MTX2: variants seen among roughly 807,000 people sequenced by gnomAD.
The protein encoded by MTX2 is metaxin 2.
MTX2 carries 35 observed loss-of-function variants against 42.3 expected under a neutral mutation model. The observed-to-expected ratio is 0.83, with a 90% CI of 0.63 to 1.10. The LOEUF (loss-of-function observed/expected upper bound fraction) is 1.10. MTX2 is among the 50% of genes least tolerant of loss of function. The pLI is 0.00. For missense variants in MTX2, 307 were observed against 304.1 expected, an observed-to-expected ratio of 1.01 and a Z score of -0.07; for synonymous variants, 119 against 100.9, an observed-to-expected ratio of 1.18 and a Z score of -1.08.
intron 3 of MTX2, among the ~76,000 whole-genome samples, chr2:176,311,128 T>C (rs934253492): frequency 6.6e-6 from 1 of 152,224 alleles, no homozygotes; most frequent in Admixed American, 6.5e-5. Flanking sequence ...CCTTTCTGTT[T>C]GTTAGTTTTC....
At chr2:176,335,674 T>C (rs997685053) in intron 9 of MTX2, among the ~76,000 whole-genome samples, 4 of 151,964 alleles carry the variant, frequency 2.6e-5, no homozygotes, top group Non-Finnish European at 5.9e-5. Flanking sequence ...AACTCAAGAG[T>C]AGCCCCTAAA....
At chr2:176,274,272 A>T (rs530779062) in intron 1 of MTX2, among the ~76,000 whole-genome samples, 10 of 152,292 alleles carry the variant, frequency 6.6e-5, no homozygotes, top group African/African-American at 2.4e-4. Flanking sequence ...TAAAACTTTG[A>T]TGAGCAAAGC....
intron 9 of MTX2, among the ~76,000 whole-genome samples, chr2:176,333,244 C>T (rs1420540698): frequency 1.3e-5 from 2 of 151,458 alleles, no homozygotes; most frequent in Non-Finnish European, 3.0e-5. Context: ...TAATCACAAA[C>T]TATTTGGTAA....
chr2:176,329,199 A>G, intron 7 of MTX2, 102 bp from the exon 8 acceptor site: 1 of 1,371,282 alleles, frequency 7.3e-7, no homozygotes. Flanking sequence ...AGATTGCTCT[A>G]TTTATGTTCT....
intron 1 of MTX2, among the ~76,000 whole-genome samples, chr2:176,293,917 T>C (rs1454886826): frequency 6.6e-6 from 1 of 152,218 alleles, no homozygotes; most frequent in African/African-American, 2.4e-5. Flanking sequence ...TACTGCATGA[T>C]AAACTGCAAT....
rs984958278 is a variant in MTX2 at position 176,328,363 on chromosome 2, A to G, written c.356A>G (p.Asn119Ser). 1.9e-6 allele frequency: 3 copies of G among 1,583,208 alleles called. No homozygotes were observed. The African/African-American group carries it at 4.1e-5, about 22-fold the overall frequency. Residue 119 changes from asparagine (N) to serine (S), a missense_variant, in exon 6 of 10, where the codon AAC (asparagine) becomes AGC (serine). Asn to Ser is a conservative substitution (Grantham distance 46). Coordinates refer to ENST00000249442, the MANE Select transcript of MTX2 (RefSeq NM_006554.5). ...ATGAAAGCTTACATGGAATTAGTCA[A>G]CAATATGCTGTTGACTGCAGAGGTA... Reference protein sequence around the residue: ...AEMKAYMELVNNMLLTAELYL... With the variant: ...AEMKAYMELVSNMLLTAELYL...
chr2:176,333,147 T>C (rs1176780068), intron 9 of MTX2, among the ~76,000 whole-genome samples: 1 of 151,510 alleles, frequency 6.6e-6, no homozygotes, highest in Non-Finnish European at 1.5e-5. Flanking sequence ...AATATTTTTC[T>C]AATAAAAAGT....
chr2:176,301,262 T>C (rs1050764651), intron 3 of MTX2, among the ~76,000 whole-genome samples: 2 of 152,156 alleles, frequency 1.3e-5, no homozygotes, highest in Admixed American at 6.5e-5. Flanking sequence ...ACAGTACTAT[T>C]ATTATCCTCA....
intron 1 of MTX2, among the ~76,000 whole-genome samples, chr2:176,291,843 G>A (rs996902668): frequency 6.6e-6 from 1 of 152,048 alleles, no homozygotes; most frequent in African/African-American, 2.4e-5. Flanking sequence ...AACTGCAGTG[G>A]GGAGAGTGGT....
At chr2:176,295,639 C>A (rs575697659) in intron 1 of MTX2, among the ~76,000 whole-genome samples, 19 of 152,230 alleles carry the variant, frequency 1.2e-4, no homozygotes, top group African/African-American at 2.4e-4. Context: ...CCAAACCAAA[C>A]TAAACCTAAA....
At chr2:176,313,194 T>C (rs1684356957) in intron 3 of MTX2, among the ~76,000 whole-genome samples, 1 of 151,968 alleles carries the variant, frequency 6.6e-6, no homozygotes, top group Non-Finnish European at 1.5e-5. Context: ...TTTTTTGAAT[T>C]ACTCTGTGTC....
intron 1 of MTX2, among the ~76,000 whole-genome samples, chr2:176,283,554 A>C (rs780990326): frequency 3.3e-5 from 5 of 152,174 alleles, no homozygotes; most frequent in Non-Finnish European, 7.3e-5. Flanking sequence ...AATTTGTTCT[A>C]TAACTAGCTG....
intron 1 of MTX2, among the ~76,000 whole-genome samples, chr2:176,290,946 C>T (rs971929753): frequency 1.3e-4 from 20 of 152,072 alleles, no homozygotes; most frequent in African/African-American, 4.1e-4. Flanking sequence ...TGCTGTATCA[C>T]TCCTCAGTTC....
intron 1 of MTX2, among the ~76,000 whole-genome samples, chr2:176,282,125 A>ATTT (rs1693090726): frequency 4.7e-5 from 1 of 21,060 alleles, no homozygotes; most frequent in Non-Finnish European, 8.5e-5. Context: ...GAGTTACAGT[A>ATTT]GTTTTTTTTT....
chr2:176,279,147 A>G (rs1018027262), intron 1 of MTX2, among the ~76,000 whole-genome samples: 1 of 152,188 alleles, frequency 6.6e-6, no homozygotes, highest in Admixed American at 6.5e-5. Flanking sequence ...TTTATCTCTA[A>G]GAACTTGTAT....
chr2:176,337,790 A>G lies in MTX2; in HGVS notation c.*126A>G, dbSNP rs1219715584. The G allele has an allele frequency of 2.4e-5, 19 of 777,354 alleles. No homozygotes were observed. The highest frequency in any genetic ancestry group is 3.6e-5 in the Non-Finnish European group (18 of 496,230). 48.2% of individuals were successfully genotyped at this position (777,354 alleles called of 1,614,324 possible). On this transcript the variant is annotated 3_prime_UTR_variant, in exon 10 of 10. Transcript: ENST00000249442. Reference sequence around the variant, plus strand: ...TTTGAAACCTCAAATTATATAATGTATCTTATGTATGTGCTTTATATTGTT... The same window carrying G: ...TTTGAAACCTCAAATTATATAATGTGTCTTATGTATGTGCTTTATATTGTT...
chr2:176,291,801 C>A (rs1289683635), intron 1 of MTX2, among the ~76,000 whole-genome samples: 1 of 151,970 alleles, frequency 6.6e-6, no homozygotes, highest in Non-Finnish European at 1.5e-5. Flanking sequence ...GTGACAATAC[C>A]ATAGGAGGAT....
intron 3 of MTX2, among the ~76,000 whole-genome samples, chr2:176,320,748 G>A (rs1684566974): frequency 1.3e-5 from 2 of 149,434 alleles, no homozygotes; most frequent in South Asian, 4.2e-4. Flanking sequence ...AGGCTGGAGT[G>A]CAGTGGTGTG....
At chr2:176,282,806 C>G (rs563434835) in intron 1 of MTX2, among the ~76,000 whole-genome samples, 1 of 151,472 alleles carries the variant, frequency 6.6e-6, no homozygotes, top group Non-Finnish European at 1.5e-5. Flanking sequence ...TGGGTTCATG[C>G]GATTGTCCTG....
Sources: allele counts gnomAD v4.1 joint callset (sites outside exome capture counted in the v4.1 genomes callset), GRCh38; gene constraint gnomAD v4.1.1; transcripts MANE v1.5; gene names NCBI Gene and HGNC (gene_info 2026-07-23, HGNC 2026-07-21).